Variants in GPR143 observed in about 807,000 individuals in gnomAD.
GPR143 encodes G-protein coupled receptor 143.
A neutral mutation model predicts 27.6 loss-of-function variants in GPR143; 8 were observed. The observed-to-expected ratio is 0.29, with a 90% CI of 0.17 to 0.52. GPR143 has a LOEUF of 0.52. Among genes scored for constraint, GPR143 ranks in the 20% least tolerant of loss-of-function variants. GPR143 has a pLI of 0.96. For synonymous variants in GPR143, 156 were observed against 153.2 expected (o/e 1.02, Z -0.13); for missense variants, 303 against 343.1 (o/e 0.88, Z 0.92).
At chrX:9,729,476 A>G (rs1264035730) in intron 8 of GPR143, among the ~76,000 whole-genome samples, 1 of 111,293 alleles carries the variant, frequency 9.0e-6, no homozygotes, top group African/African-American at 3.3e-5. Context: ...CATGGAAGAG[A>G]ATATTTATGC....
Position 9,725,979 on chromosome X carries a change from G to T in GPR143, c.1121-139C>A. The T allele has an allele frequency of 2.5e-5, 7 of 280,503 alleles. No individual in the cohort carries two copies. Among genetic ancestry groups the T allele is most frequent in the Admixed American group, 4.8e-4 (1 of 2,103 alleles). 23.1% of individuals were successfully genotyped at this position (280,503 alleles called of 1,213,427 possible). A position where few individuals can be genotyped will look rare whatever the true frequency, so the allele number is the denominator to read the frequency against. ...CAAAGTCCTAGCATTCATCTCATCT[G>T]CAAAAAAAAAAAAAAAAAAAAAAAA... On this transcript the variant is annotated intron_variant, in intron 8 of 8. Transcript: ENST00000467482.
intron 3 of GPR143, among the ~76,000 whole-genome samples, chrX:9,751,579 G>A (rs1191103626): frequency 1.8e-5 from 2 of 112,385 alleles, no homozygotes; most frequent in Non-Finnish European, 3.8e-5. Flanking sequence ...TGAGTGAAAA[G>A]CCAGACACAA....
intron 8 of GPR143, among the ~76,000 whole-genome samples, chrX:9,732,877 A>G (rs2083361386): frequency 9.1e-6 from 1 of 109,881 alleles, no homozygotes; most frequent in African/African-American, 3.3e-5. Context: ...AAAAAAAAAA[A>G]AAAAAAAAAG....
Position 9,748,743 on chromosome X carries a change from C to T in GPR143, c.456-77G>A, listed in dbSNP as rs371738222. ...CCTGGAACTGCCAGGCCAGCTCCTG[C>T]GCTCTGGAAAGGTCAGGAAAATGTA... On this transcript the variant is annotated intron_variant, in intron 3 of 8. Transcript: ENST00000467482. 135 of 674,541 alleles carry T rather than the reference C, an allele frequency of 2.0e-4. No individual in the cohort carries two copies. In the East Asian group the frequency reaches 4.2e-3, roughly 21 times the overall value. The allele number at this position is 674,541 out of a possible 1,213,427, so 55.6% of individuals were successfully genotyped here.
chrX:9,749,226 T>TCCCCCCCCC (rs1315734826), intron 3 of GPR143, among the ~76,000 whole-genome samples: 2 of 73,085 alleles, frequency 2.7e-5, no homozygotes, highest in African/African-American at 1.1e-4. Context: ...GGGATTTCCC[T>TCCCCCCCCC]CCCCCCCCAA....
At chrX:9,776,184 A>G (rs1748440664) in intron 1 of GPR143, among the ~76,000 whole-genome samples, 1 of 112,022 alleles carries the variant, frequency 8.9e-6, no homozygotes, top group South Asian at 3.7e-4. Context: ...ATTGTCTGTG[A>G]TGCTCACTAG....
chrX:9,765,782 G>A lies in GPR143; in HGVS notation c.36C>T (p.Pro12=). ...CGAGCTGCGTGGCTGCGTCCCGCGT[G>A]GGGCAGCAGAAGGTCCCTAGGCGCG... ...ASPRLGTFCC[P]TRDAATQLVL... Residue 12 remains proline, a synonymous_variant, in exon 1 of 9, where the codon CCC becomes CCT. Transcript: ENST00000467482. 5.3e-6 allele frequency: 6 copies of A among 1,123,328 alleles called. No individual in the cohort carries two copies. The highest frequency in any genetic ancestry group is 3.5e-6 in the Non-Finnish European group (3 of 855,704). 92.6% of individuals were successfully genotyped at this position (1,123,328 alleles called of 1,213,427 possible). A position where few individuals can be genotyped will look rare whatever the true frequency, so the allele number is the denominator to read the frequency against.
At chrX:9,766,903 TCACACACACACACACACACACACACA>T (rs58553907), upstream of GPR143, among the ~76,000 whole-genome samples, 117 of 86,916 alleles carry the variant, frequency 1.3e-3, 2 homozygotes, top group African/African-American at 4.7e-3. Flanking sequence ...TCTCTCTCTC[TCACACACACACACACACACACACACA>T]CACACACACA....
intron 7 of GPR143, among the ~76,000 whole-genome samples, chrX:9,740,180 C>T (rs2083396758): frequency 9.0e-6 from 1 of 111,498 alleles, no homozygotes; most frequent in South Asian, 3.8e-4. Context: ...GTTTGCCACC[C>T]TGTGCTGCCA....
chrX:9,763,401 CT>C (rs1181380856), intron 1 of GPR143, among the ~76,000 whole-genome samples: 3 of 111,521 alleles, frequency 2.7e-5, no homozygotes, highest in African/African-American at 9.8e-5. Flanking sequence ...TCCCTTGAGC[CT>C]AGAAGTTCGA....
upstream of GPR143, among the ~76,000 whole-genome samples, chrX:9,766,903 TCACACACACACACACACA>T (rs58553907): frequency 8.7e-3 from 754 of 86,911 alleles, 13 homozygotes; most frequent in African/African-American, 0.03. Context: ...TCTCTCTCTC[TCACACACACACACACACA>T]CACACACACA....
chrX:9,765,254 T>C (rs1601891276), intron 1 of GPR143, among the ~76,000 whole-genome samples: 2 of 108,384 alleles, frequency 1.8e-5, no homozygotes, highest in Non-Finnish European at 3.8e-5. Context: ...CCACGCACTC[T>C]CACCCGGGGA....
intron 8 of GPR143, among the ~76,000 whole-genome samples, chrX:9,733,908 C>T (rs779463384): frequency 1.8e-5 from 2 of 109,982 alleles, no homozygotes; most frequent in South Asian, 3.9e-4. Context: ...GGTGAAACTC[C>T]GTCTCTACTA....
upstream of GPR143, chrX:9,765,872 G>A (rs1422995000): frequency 2.2e-5 from 22 of 1,005,261 alleles, no homozygotes; most frequent in Non-Finnish European, 2.8e-5. Flanking sequence ...GGCCTGCCTG[G>A]GTCATGTGCT....
intron 1 of GPR143, among the ~76,000 whole-genome samples, chrX:9,761,876 T>C (rs2083503076): frequency 8.9e-6 from 1 of 111,744 alleles, no homozygotes; most frequent in African/African-American, 3.3e-5. Flanking sequence ...GGCCGGCGGA[T>C]CACTTGAGCC....
chrX:9,749,266 C>T (rs1002135614), intron 3 of GPR143, among the ~76,000 whole-genome samples: 3 of 102,811 alleles, frequency 2.9e-5, no homozygotes, highest in Non-Finnish European at 5.9e-5. Context: ...GCTCGGCTGC[C>T]TTGTGAAGAA....
chrX:9,754,209 C>T (rs1466269591), intron 3 of GPR143, among the ~76,000 whole-genome samples: 1 of 111,984 alleles, frequency 8.9e-6, no homozygotes, highest in Non-Finnish European at 1.9e-5. Context: ...ACAAAGGGAT[C>T]TGAGTGAGAA....
chrX:9,752,829 G>C lies in GPR143; in HGVS notation c.456-4163C>G, dbSNP rs140038612. On this transcript the variant is annotated intron_variant, in intron 3 of 8. Coordinates refer to ENST00000467482, the MANE Select transcript of GPR143 (RefSeq NM_000273.3). ...CCACTGCCCTCCAGCCTAGATGACA[G>C]AGTGAGATGCAGCTATTAAAAATAA... Among the ~76,000 whole-genome samples the C allele has an allele frequency of 6.1e-3, 670 of 110,340 alleles. 3 individuals carry two copies. Among genetic ancestry groups the C allele is most frequent in the African/African-American group, 0.021 (637 of 30,225 alleles).
intron 8 of GPR143, 25 bp from the exon 9 acceptor site, chrX:9,725,865 G>A (rs2083323475): frequency 8.4e-7 from 1 of 1,193,844 alleles, no homozygotes; most frequent in African/African-American, 1.8e-5. Flanking sequence ...ACAAAAGACT[G>A]ACTGTGTCTG....
Sources: gnomAD v4.1 joint callset for allele counts (sites outside exome capture counted in the v4.1 genomes callset) on GRCh38, gnomAD v4.1.1 for gene constraint, MANE v1.5 for transcripts, NCBI Gene and HGNC (gene_info 2026-07-23, HGNC 2026-07-21) for gene names.